The following ANKRD30BL variants were observed in gnomAD, a reference collection of about 807,000 sequenced individuals.
ANKRD30BL encodes the protein ankyrin repeat domain 30B like, also known as putative ankyrin repeat domain-containing protein 30B-like.
Under a neutral mutation model 18.4 loss-of-function variants are expected in ANKRD30BL, and 20 were observed. The observed-to-expected ratio is 1.09, with a 90% CI of 0.77 to 1.58. The LOEUF (loss-of-function observed/expected upper bound fraction) is 1.58. Among genes scored for constraint, ANKRD30BL ranks in the 40% most tolerant of loss-of-function variants. The probability of loss-of-function intolerance (pLI) is 0.00; values close to 1 mark genes in which losing one functional copy is unlikely to be tolerated. For synonymous variants in ANKRD30BL, 72 were observed against 100.9 expected (o/e 0.71, Z 1.72); for missense variants, 224 against 268.6 (o/e 0.83, Z 1.16).
At chr2:132,206,656 A>G (rs1351580399) in intron 1 of ANKRD30BL, among the ~76,000 whole-genome samples, 2 of 152,232 alleles carry the variant, frequency 1.3e-5, no homozygotes, top group African/African-American at 2.4e-5. Context: ...TTCTCATTCA[A>G]TAGGTATGAG....
intron 1 of ANKRD30BL, among the ~76,000 whole-genome samples, chr2:132,227,540 G>A (rs1679880174): frequency 6.6e-6 from 1 of 152,018 alleles, no homozygotes; most frequent in South Asian, 2.1e-4. Flanking sequence ...CTTGGAAACG[G>A]GAATACCTTC....
At chr2:132,170,896 C>T (rs535277117) in intron 1 of ANKRD30BL, among the ~76,000 whole-genome samples, 1 of 152,258 alleles carries the variant, frequency 6.6e-6, no homozygotes, top group East Asian at 1.9e-4. Context: ...GTGGCTCACG[C>T]CTGTAAGCCC....
At chr2:132,231,330 G>A (rs1680004634) in intron 1 of ANKRD30BL, among the ~76,000 whole-genome samples, 1 of 152,118 alleles carries the variant, frequency 6.6e-6, no homozygotes, top group African/African-American at 2.4e-5. Context: ...GTCGAAGGGG[G>A]AGGAGCCAAG....
rs540851509 is a variant in ANKRD30BL, at chr2:132,252,851, C to A, written n.441+4678G>T. On this transcript the variant is annotated intron_variant and non_coding_transcript_variant, in intron 1 of 4. Coordinates refer to the ANKRD30BL transcript ENST00000470729. ...ATGAGGGAGCCCCCAAGGGAGGAAC[C>A]CAGACCGTGATGGTGGCCACAGGAA... Among the ~76,000 whole-genome samples, 42 of 152,290 alleles carry A rather than the reference C, an allele frequency of 2.8e-4. No individual in the cohort carries two copies. The East Asian group carries it at 4.1e-3, about 15-fold the overall frequency.
chr2:132,154,550 T>C, intron 4 of ANKRD30BL, 112 bp downstream of exon 4: 1 of 511,706 alleles, frequency 2.0e-6, no homozygotes, highest in Non-Finnish European at 3.5e-6. Flanking sequence ...TTGGTATTTT[T>C]CTGCATAATC....
At chr2:132,222,218 G>A (rs543400489) in intron 1 of ANKRD30BL, among the ~76,000 whole-genome samples, 1 of 140,566 alleles carries the variant, frequency 7.1e-6, no homozygotes, top group Non-Finnish European at 1.6e-5. Context: ...TGGTGGGGGG[G>A]TCAGCCCCCC....
chr2:132,173,532 C>A (rs1326867491), intron 1 of ANKRD30BL, among the ~76,000 whole-genome samples: 1 of 151,310 alleles, frequency 6.6e-6, no homozygotes. Flanking sequence ...TTCCTCACCT[C>A]GTGATCCACC....
intron 1 of ANKRD30BL, among the ~76,000 whole-genome samples, chr2:132,194,063 ACACACACACACT>A (rs1171178830): frequency 1.1e-3 from 166 of 151,802 alleles, no homozygotes; most frequent in African/African-American, 3.5e-3. Context: ...TCTCACACAC[ACACACACACACT>A]CACACACACA....
chr2:132,229,446 T>C lies in ANKRD30BL; in HGVS notation n.441+28083A>G, dbSNP rs566776785. On this transcript the variant is annotated intron_variant and non_coding_transcript_variant, in intron 1 of 4. Transcript: ENST00000470729. The stretch of plus-strand genomic sequence containing the variant: ...TTGATTCCTATCATGGAAAAGGTAA[T>C]ATCATCACATAAAGACTAGACTGTA... 6.6e-5 allele frequency among the ~76,000 whole-genome samples: 10 copies of C among 152,234 alleles called. 1 individual carries two copies. In the South Asian group the frequency reaches 1.5e-3, roughly 22 times the overall value.
intron 1 of ANKRD30BL, among the ~76,000 whole-genome samples, chr2:132,189,859 C>A (rs888148744): frequency 6.6e-6 from 1 of 152,026 alleles, no homozygotes; most frequent in Admixed American, 6.5e-5. Context: ...TCCATAATCA[C>A]CACTGTTTCT....
chr2:132,240,892 C>T (rs1452865938), intron 1 of ANKRD30BL, among the ~76,000 whole-genome samples: 1 of 151,958 alleles, frequency 6.6e-6, no homozygotes, highest in East Asian at 1.9e-4. Flanking sequence ...GTTTACTCAA[C>T]TGTCAGAATT....
At chr2:132,182,991 A>G (rs1206201974) in intron 1 of ANKRD30BL, among the ~76,000 whole-genome samples, 11 of 152,170 alleles carry the variant, frequency 7.2e-5, no homozygotes, top group Non-Finnish European at 1.5e-4. Flanking sequence ...TGAAAAATAT[A>G]TATAAAATAA....
intron 4 of ANKRD30BL, among the ~76,000 whole-genome samples, chr2:132,151,946 C>CT (rs1034376738): frequency 2.0e-5 from 3 of 152,044 alleles, no homozygotes; most frequent in African/African-American, 7.2e-5. Flanking sequence ...TAGAATGATG[C>CT]TTAGTCACTA....
intron 1 of ANKRD30BL, among the ~76,000 whole-genome samples, chr2:132,214,842 C>T (rs546816353): frequency 8.6e-5 from 13 of 151,710 alleles, no homozygotes; most frequent in South Asian, 2.1e-4. Context: ...GAAATATCTT[C>T]ACATAAAAAC....
intron 1 of ANKRD30BL, among the ~76,000 whole-genome samples, chr2:132,246,361 C>G (rs1573890747): frequency 6.6e-6 from 1 of 152,034 alleles, no homozygotes; most frequent in Non-Finnish European, 1.5e-5. Flanking sequence ...ACTCAACTCA[C>G]AGAGTTGAAC....
chr2:132,255,159 C>G (rs889976625), intron 1 of ANKRD30BL, among the ~76,000 whole-genome samples: 3 of 152,220 alleles, frequency 2.0e-5, no homozygotes, highest in African/African-American at 7.2e-5. Context: ...ATCTGATCGT[C>G]TTCGAACCTC....
chr2:132,175,067 G>T (rs1397828452), intron 1 of ANKRD30BL, among the ~76,000 whole-genome samples: 1 of 152,164 alleles, frequency 6.6e-6, no homozygotes, highest in Admixed American at 6.5e-5. Flanking sequence ...TTCTAGTCAG[G>T]TGGGATGAGA....
intron 1 of ANKRD30BL, among the ~76,000 whole-genome samples, chr2:132,210,856 G>T (rs796405893): frequency 0.012 from 707 of 57,958 alleles, no homozygotes; most frequent in African/African-American, 0.022. Context: ...GAGCCCTTTG[G>T]GGCCTATGGT....
Position 132,201,360 on chromosome 2 carries a change from C to G in ANKRD30BL, n.442-44214G>C, listed in dbSNP as rs1271947543. 2.6e-5 allele frequency among the ~76,000 whole-genome samples: 4 copies of G among 152,094 alleles called. No individual in the cohort carries two copies. The South Asian group carries it at 8.3e-4, about 32-fold the overall frequency. ...AACTACCATCAGAGTGAACAGGCAA[C>G]CTACAAAATGGGAGAAAATTTTCGC... On this transcript the variant is annotated intron_variant and non_coding_transcript_variant, in intron 1 of 4. Coordinates refer to the ANKRD30BL transcript ENST00000470729.
Sources: allele counts gnomAD v4.1 joint callset (sites outside exome capture counted in the v4.1 genomes callset), GRCh38; gene constraint gnomAD v4.1.1; transcripts MANE v1.5; gene names NCBI Gene and HGNC (gene_info 2026-07-23, HGNC 2026-07-21).